EPM2A: variants seen among roughly 807,000 people sequenced by gnomAD.
EPM2A encodes the protein laforin.
Under a neutral mutation model 26.5 loss-of-function variants are expected in EPM2A, and 21 were observed. The observed-to-expected ratio is 0.79, with a 90% CI of 0.56 to 1.14. EPM2A has a LOEUF of 1.14. Ranked by LOEUF, EPM2A falls within the 50% of genes most tolerant of loss-of-function variation. The pLI, the probability that EPM2A is intolerant of heterozygous loss-of-function variation, is 0.00. For synonymous variants in EPM2A, 217 were observed against 177.6 expected (o/e 1.22, Z -1.76); for missense variants, 458 against 440.8 (o/e 1.04, Z -0.35).
intron 2 of EPM2A, among the ~76,000 whole-genome samples, chr6:145,524,062 T>C (rs970665532): frequency 5.9e-5 from 9 of 152,232 alleles, no homozygotes; most frequent in African/African-American, 2.2e-4. Context: ...TGATCCTGAA[T>C]TAATTCACTT....
At chr6:145,419,098 A>T (rs1778746230) in intron 4 of EPM2A, among the ~76,000 whole-genome samples, 1 of 152,068 alleles carries the variant, frequency 6.6e-6, no homozygotes, top group East Asian at 1.9e-4. Flanking sequence ...GAGGATTCTC[A>T]ACAGGAAGAG....
At chr6:145,636,084 A>G (rs547566422) in intron 2 of EPM2A, 1 of 152,568 alleles carries the variant, frequency 6.6e-6, no homozygotes, top group East Asian at 1.9e-4. Context: ...ATAGCAATAT[A>G]GTTTCCTTTT....
intron 1 of EPM2A, among the ~76,000 whole-genome samples, chr6:145,718,730 G>A (rs1209945722): frequency 6.6e-6 from 1 of 152,110 alleles, no homozygotes; most frequent in Admixed American, 6.5e-5. Flanking sequence ...ATCTGACAAA[G>A]GGCTAATATC....
At chr6:145,593,167 CAA>C (rs1781298131) in intron 2 of EPM2A, among the ~76,000 whole-genome samples, 1 of 151,910 alleles carries the variant, frequency 6.6e-6, no homozygotes, top group Non-Finnish European at 1.5e-5. Context: ...TAATTTCAAA[CAA>C]AGCAAACTTC....
intron 4 of EPM2A, among the ~76,000 whole-genome samples, chr6:145,453,706 T>G (rs1779226597): frequency 6.6e-6 from 1 of 152,178 alleles, no homozygotes; most frequent in African/African-American, 2.4e-5. Context: ...AAGTACTTAA[T>G]TCATGAGTGC....
chr6:145,602,729 C>T (rs999376754), intron 2 of EPM2A, among the ~76,000 whole-genome samples: 4 of 152,088 alleles, frequency 2.6e-5, no homozygotes, highest in Non-Finnish European at 4.4e-5. Flanking sequence ...CTGTTAGATT[C>T]CAAAAATTCT....
intron 4 of EPM2A, among the ~76,000 whole-genome samples, chr6:145,428,797 A>C (rs1409812460): frequency 6.6e-6 from 1 of 152,220 alleles, no homozygotes; most frequent in Non-Finnish European, 1.5e-5. Flanking sequence ...TCTTCATCGC[A>C]CAGTAAGAGC....
chr6:145,627,366 A>G lies in EPM2A; in HGVS notation c.*50T>C. On this transcript the variant is annotated 3_prime_UTR_variant, in exon 4 of 4. Transcript: ENST00000367519. ...GTTTCTAGGTCATTTGACCAACATC[A>G]TCCCAGGCTCCTTAGGGAAATCAGG... 6.2e-7 allele frequency: 1 copy of G among 1,611,550 alleles called. No individual in the cohort carries two copies. The highest frequency in any genetic ancestry group is 1.1e-5 in the South Asian group (1 of 90,938).
At chr6:145,391,979 G>C in intron 4 of EPM2A, among the ~76,000 whole-genome samples, 1 of 152,130 alleles carries the variant, frequency 6.6e-6, no homozygotes, top group African/African-American at 2.4e-5. Context: ...GGACACCTTT[G>C]GTAAATGCTG....
chr6:145,715,320 A>G (rs1018681312), intron 1 of EPM2A, among the ~76,000 whole-genome samples: 2 of 152,194 alleles, frequency 1.3e-5, no homozygotes, highest in South Asian at 2.1e-4. Context: ...CTGGGACCAT[A>G]TAGACATGCC....
intron 2 of EPM2A, among the ~76,000 whole-genome samples, chr6:145,677,413 G>C (rs143779182): frequency 2.6e-4 from 39 of 152,274 alleles, no homozygotes; most frequent in African/African-American, 7.9e-4. Flanking sequence ...ATTCAACATA[G>C]TGTTGGAAGT....
intron 4 of EPM2A, among the ~76,000 whole-genome samples, chr6:145,437,648 A>G (rs1779006430): frequency 6.6e-6 from 1 of 152,244 alleles, no homozygotes; most frequent in South Asian, 2.1e-4. Flanking sequence ...ATAAACAAAC[A>G]GTCTCTTTCT....
intron 2 of EPM2A, among the ~76,000 whole-genome samples, chr6:145,509,972 G>T (rs768512684): frequency 2.6e-5 from 4 of 151,872 alleles, no homozygotes; most frequent in East Asian, 1.9e-4. Flanking sequence ...ACCAAAAACA[G>T]TGAAAAAGGA....
At chr6:145,550,364 A>G (rs955832878) in intron 2 of EPM2A, among the ~76,000 whole-genome samples, 2 of 152,016 alleles carry the variant, frequency 1.3e-5, no homozygotes, top group Non-Finnish European at 2.9e-5. Flanking sequence ...CTCTCCTATG[A>G]AAAGGGGATA....
chr6:145,587,195 C>T (rs1781206474), intron 2 of EPM2A, among the ~76,000 whole-genome samples: 2 of 152,076 alleles, frequency 1.3e-5, no homozygotes, highest in Non-Finnish European at 2.9e-5. Context: ...TATAACAGAA[C>T]ATAAAAACAG....
chr6:145,652,095 A>G (rs1420233025), intron 2 of EPM2A, among the ~76,000 whole-genome samples: 4 of 152,222 alleles, frequency 2.6e-5, no homozygotes, highest in Non-Finnish European at 5.9e-5. Flanking sequence ...TTTATGACCT[A>G]TAAAAAAGCC....
At chr6:145,424,684 C>T (rs1050368541) in intron 4 of EPM2A, among the ~76,000 whole-genome samples, 11 of 152,202 alleles carry the variant, frequency 7.2e-5, no homozygotes, top group Admixed American at 7.2e-4. Flanking sequence ...ATGATTAGAT[C>T]GTGGCAGAGG....
At chr6:145,394,250 G>A (rs1778376047) in intron 4 of EPM2A, among the ~76,000 whole-genome samples, 1 of 152,120 alleles carries the variant, frequency 6.6e-6, no homozygotes, top group Non-Finnish European at 1.5e-5. Flanking sequence ...TCTCATGAGG[G>A]AGGGACCATT....
intron 4 of EPM2A, among the ~76,000 whole-genome samples, chr6:145,480,422 G>A (rs1779599230): frequency 6.6e-6 from 1 of 151,974 alleles, no homozygotes; most frequent in African/African-American, 2.4e-5. Context: ...CAACATTGAG[G>A]ATTACAATTA....
Sources: allele counts gnomAD v4.1 joint callset (sites outside exome capture counted in the v4.1 genomes callset), GRCh38; gene constraint gnomAD v4.1.1; transcripts MANE v1.5; gene names NCBI Gene and HGNC (gene_info 2026-07-23, HGNC 2026-07-21).